The following SF1 variants were observed in gnomAD, a reference collection of about 807,000 sequenced individuals.
SF1 encodes splicing factor 1, also known as branch point-binding protein.
A neutral mutation model predicts 62.5 loss-of-function variants in SF1; 7 were observed. The observed-to-expected ratio is 0.11, with a 90% CI of 0.06 to 0.21. SF1 has a LOEUF of 0.21. Among genes scored for constraint, SF1 ranks in the 10% least tolerant of loss-of-function variants. The pLI is 1.00. For synonymous variants in SF1, 394 were observed against 323.6 expected, an observed-to-expected ratio of 1.22 and a Z score of -2.33; for missense variants, 578 against 884.0, an observed-to-expected ratio of 0.65 and a Z score of 4.39.
At chr11:64,771,635 G>C (rs1021421334) in intron 3 of SF1, 1 of 985,200 alleles carries the variant, frequency 1.0e-6, no homozygotes, top group African/African-American at 1.7e-5. Context: ...TCCGTTTCTA[G>C]CATTTGTATA....
At chr11:64,776,690 G>A (rs1056583013) in intron 1 of SF1, 64 bp from the exon 2 acceptor site, 2 of 1,497,268 alleles carry the variant, frequency 1.3e-6, no homozygotes, top group African/African-American at 2.8e-5. Context: ...ACAGCTAAGG[G>A]TATTTAAGGT....
rs201621861 is a variant in SF1, at chr11:64,774,961, CAA to C, written c.161-1458_161-1457del. Among the ~76,000 whole-genome samples the C allele has an allele frequency of 3.1e-3, 305 of 98,980 alleles. 3 individuals are homozygous for C. In the East Asian group the frequency reaches 0.034, roughly 11 times the overall value. The allele number at this position is 98,980 out of a possible 152,430, so 64.9% of individuals were successfully genotyped here. A position where few individuals can be genotyped will look rare whatever the true frequency, so the allele number is the denominator to read the frequency against. ...GGCGACACAGCAAGACTCAGTCTCT[CAA>C]AAAAAAAAAAAAAAAGATATTGAGG... On this transcript the variant is annotated intron_variant, in intron 2 of 12. Coordinates refer to ENST00000377390, the MANE Select transcript of SF1 (RefSeq NM_004630.4).
At chr11:64,770,517 A>C in intron 3 of SF1, 109 bp from the exon 4 acceptor site, 1 of 1,209,322 alleles carries the variant, frequency 8.3e-7, no homozygotes, top group African/African-American at 1.5e-5. Flanking sequence ...CTAATACAAC[A>C]CTCTTCGGAG....
chr11:64,773,305 A>C (rs1938614293), intron 3 of SF1, 125 bp downstream of exon 3: 1 of 1,475,246 alleles, frequency 6.8e-7, no homozygotes, highest in Non-Finnish European at 8.9e-7. Context: ...TTAATCCCCA[A>C]AGTGGTCAGG....
At chr11:64,772,880 C>T in intron 3 of SF1, 1 of 986,298 alleles carries the variant, frequency 1.0e-6, no homozygotes, top group Non-Finnish European at 1.2e-6. Context: ...TCCCAACACC[C>T]CCAAGGCAAT....
intron 3 of SF1, 175 bp from the exon 4 acceptor site, chr11:64,770,583 G>A (rs1938158595): frequency 7.5e-6 from 5 of 662,290 alleles, no homozygotes; most frequent in Non-Finnish European, 1.0e-5. Context: ...GATGGAAGCT[G>A]GCTTAACGTT....
rs1229661283 is a variant in SF1 at position 64,765,406 on chromosome 11, A to C, written c.*412T>G. 7.1e-7 allele frequency: 1 copy of C among 1,401,154 alleles called. No individual in the cohort carries two copies. Among genetic ancestry groups the C allele is most frequent in the African/African-American group, 1.4e-5 (1 of 70,526 alleles). The allele number at this position is 1,401,154 out of a possible 1,614,324, so 86.8% of individuals were successfully genotyped here. On this transcript the variant is annotated 3_prime_UTR_variant, in exon 13 of 13. Coordinates refer to ENST00000377390, the MANE Select transcript of SF1 (RefSeq NM_004630.4). ...AAAATAACTCAGGCTGCTTTGCCGAACCATCCTGTCCACCAGGGGCGTTGC... is the reference window on the plus strand; with the variant it reads ...AAAATAACTCAGGCTGCTTTGCCGACCCATCCTGTCCACCAGGGGCGTTGC...
chr11:64,777,756 G>T (rs1050617123), intron 1 of SF1: 48 of 985,456 alleles, frequency 4.9e-5, no homozygotes, highest in Non-Finnish European at 5.7e-5. Context: ...CCACCTCACT[G>T]CGTCTGCGCA....
At position 64,765,813 on chromosome 11, in the gene SF1, C is replaced by T; in HGVS notation, c.*5G>A. The T allele has an allele frequency of 1.3e-6, 2 of 1,532,882 alleles. No individual in the cohort carries two copies. The highest frequency in any genetic ancestry group is 1.8e-6 in the Non-Finnish European group (2 of 1,142,052). 95.0% of individuals were successfully genotyped at this position (1,532,882 alleles called of 1,614,324 possible). On this transcript the variant is annotated 3_prime_UTR_variant, in exon 13 of 13. Transcript: ENST00000377390. ...ATATAATATATATTTTCTTAAAAAA[C>T]AAGTCTAGTTCTGTGGTGGAGGCGG...
intron 2 of SF1, among the ~76,000 whole-genome samples, chr11:64,774,681 C>A (rs566900219): frequency 1.4e-4 from 21 of 152,176 alleles, no homozygotes; most frequent in Middle Eastern, 6.8e-3. Flanking sequence ...AAATACTGGC[C>A]GGGCACAGTG....
intron 3 of SF1, chr11:64,772,347 AGAAAC>A (rs757077542): frequency 3.0e-6 from 3 of 984,068 alleles, no homozygotes; most frequent in Non-Finnish European, 3.6e-6. Flanking sequence ...ATCTTCAAAA[AGAAAC>A]GAAACACAAC....
intron 10 of SF1, 150 bp from the exon 11 acceptor site, chr11:64,767,401 T>C (rs1179306835): frequency 1.9e-6 from 2 of 1,032,298 alleles, no homozygotes; most frequent in East Asian, 2.4e-5. Context: ...ACAGAATCAC[T>C]CCCTGAACCA....
At chr11:64,768,021 C>G (rs1937633425) in intron 9 of SF1, 85 bp downstream of exon 9, 22 of 1,500,880 alleles carry the variant, frequency 1.5e-5, no homozygotes, top group Non-Finnish European at 1.9e-5. Flanking sequence ...ATTGTCTGCT[C>G]TACCCAAACC....
chr11:64,774,990 C>T (rs923339909), intron 2 of SF1, among the ~76,000 whole-genome samples: 18 of 151,316 alleles, frequency 1.2e-4, no homozygotes, highest in African/African-American at 4.4e-4. Context: ...ATATTGAGGG[C>T]ATCCTGGACA....
At chr11:64,771,297 G>A (rs1426801410) in intron 3 of SF1, among the ~76,000 whole-genome samples, 2 of 152,092 alleles carry the variant, frequency 1.3e-5, no homozygotes, top group Non-Finnish European at 2.9e-5. Context: ...TGGATTTTGC[G>A]GTAATAAAAA....
intron 1 of SF1, 146 bp downstream of exon 1, chr11:64,778,216 C>G (rs1170650060): frequency 1.3e-5 from 15 of 1,148,786 alleles, no homozygotes; most frequent in African/African-American, 4.9e-5. Flanking sequence ...AGGCCGCGGT[C>G]AGGGCCCCCA....
chr11:64,768,382 G>C (rs1937697922), intron 8 of SF1, 96 bp from the exon 9 acceptor site: 2 of 1,094,950 alleles, frequency 1.8e-6, no homozygotes, highest in African/African-American at 1.6e-5. Flanking sequence ...AAGTTCTGAA[G>C]AATTCAATCA....
intron 12 of SF1, 34 bp downstream of exon 12, chr11:64,766,866 A>AC: frequency 2.8e-5 from 5 of 181,358 alleles, no homozygotes; most frequent in Non-Finnish European, 4.0e-5. Context: ...CCCCCATCCC[A>AC]CCCACCCCCA....
intron 5 of SF1, 91 bp downstream of exon 5, chr11:64,769,873 A>G: frequency 3.0e-6 from 3 of 1,004,816 alleles, no homozygotes; most frequent in Non-Finnish European, 4.5e-6. Flanking sequence ...AAAGGGGAAA[A>G]GTAAGCCAAC....
Sources: gnomAD v4.1 joint callset for allele counts (sites outside exome capture counted in the v4.1 genomes callset) on GRCh38, gnomAD v4.1.1 for gene constraint, MANE v1.5 for transcripts, NCBI Gene and HGNC (gene_info 2026-07-23, HGNC 2026-07-21) for gene names.